The following INSL6 variants were observed in gnomAD, a reference collection of about 807,000 sequenced individuals.
INSL6 encodes insulin-like peptide INSL6.
INSL6 carries 16 observed loss-of-function variants against 9.4 expected under a neutral mutation model. The observed-to-expected ratio is 1.70, with a 90% confidence interval of 1.15 to 2.59. INSL6 has a LOEUF of 2.59. Among genes scored for constraint, INSL6 ranks in the 30% most tolerant of loss-of-function variants. The pLI, the probability that INSL6 is intolerant of heterozygous loss-of-function variation, is 0.00. For synonymous variants in INSL6, 154 were observed against 96.9 expected (o/e 1.59, Z -3.46); for missense variants, 391 against 257.3 (o/e 1.52, Z -3.56).
intron 1 of INSL6, among the ~76,000 whole-genome samples, chr9:5,183,510 T>C (rs1047974378): frequency 6.6e-6 from 1 of 152,244 alleles, no homozygotes; most frequent in African/African-American, 2.4e-5. Flanking sequence ...AAAAGGATCA[T>C]TAACAAGCTG....
chr9:5,103,221 C>CAAAAAAAAAAAAAAAAAA, the INSL6 span, among the ~76,000 whole-genome samples: 3 of 6,872 alleles, frequency 4.4e-4, no homozygotes, highest in Non-Finnish European at 7.5e-4. Flanking sequence ...AAAGGGAAAG[C>CAAAAAAAAAAAAAAAAAA]AAAAAAAAAA....
At chr9:5,133,242 A>G (rs369290118) in intron 3 of INSL6, among the ~76,000 whole-genome samples, 1 of 152,010 alleles carries the variant, frequency 6.6e-6, no homozygotes, top group Non-Finnish European at 1.5e-5. Flanking sequence ...ATGCAAAAAA[A>G]AAGTTGAGAA....
intron 3 of INSL6, chr9:5,127,538 T>C (rs1165273750): frequency 4.3e-6 from 1 of 231,172 alleles, no homozygotes; most frequent in Non-Finnish European, 8.6e-6. Flanking sequence ...GTTTCCCTTG[T>C]ATCTATTTGT....
At chr9:5,021,163 G>A in the INSL6 span, among the ~76,000 whole-genome samples, 4 of 152,122 alleles carry the variant, frequency 2.6e-5, no homozygotes, top group African/African-American at 9.7e-5. Context: ...GGCTGAGCAG[G>A]CTGCCCCACT....
the INSL6 span, among the ~76,000 whole-genome samples, chr9:5,118,172 T>C: frequency 6.6e-6 from 1 of 152,108 alleles, no homozygotes; most frequent in African/African-American, 2.4e-5. Context: ...AACAAACAAA[T>C]AAATAGTGCA....
chr9:5,128,043 C>T (rs1302011062), intron 3 of INSL6: 1 of 231,424 alleles, frequency 4.3e-6, no homozygotes, highest in East Asian at 6.0e-5. Flanking sequence ...TGCTACTCCA[C>T]TTTAGACACC....
chr9:4,997,706 A>G, the INSL6 span, among the ~76,000 whole-genome samples: 1 of 152,206 alleles, frequency 6.6e-6, no homozygotes, highest in Non-Finnish European at 1.5e-5. Context: ...TATTGGTTTT[A>G]TAAAGGTTTG....
At chr9:5,120,825 T>C (rs1482966375), downstream of INSL6, among the ~76,000 whole-genome samples, 1 of 152,172 alleles carries the variant, frequency 6.6e-6, no homozygotes, top group East Asian at 1.9e-4. Context: ...AATTAAGATT[T>C]TCAAATTGAG....
chr9:5,103,416 T>C, the INSL6 span, among the ~76,000 whole-genome samples: 1 of 151,812 alleles, frequency 6.6e-6, no homozygotes, highest in Non-Finnish European at 1.5e-5. Flanking sequence ...CCAAGATTCA[T>C]AAAGCAAGTC....
At chr9:5,159,366 T>G (rs1474725686), downstream of INSL6, among the ~76,000 whole-genome samples, 1 of 151,802 alleles carries the variant, frequency 6.6e-6, no homozygotes, top group Non-Finnish European at 1.5e-5. Context: ...TGGATTTTTT[T>G]TTTTTAAAAA....
the INSL6 span, among the ~76,000 whole-genome samples, chr9:5,042,137 T>TA: frequency 7.3e-6 from 1 of 136,264 alleles, no homozygotes; most frequent in East Asian, 2.0e-4. Context: ...TTTTTTTTTT[T>TA]TTTTTTTTTT....
At chr9:5,058,906 ATTAT>A in the INSL6 span, among the ~76,000 whole-genome samples, 5 of 152,138 alleles carry the variant, frequency 3.3e-5, no homozygotes, top group African/African-American at 1.2e-4. Flanking sequence ...AATTATAGAA[ATTAT>A]TTATGTATTC....
the INSL6 span, chr9:5,098,678 A>C: frequency 6.6e-6 from 1 of 152,124 alleles, no homozygotes; most frequent in South Asian, 2.1e-4. Context: ...ATAGACTATG[A>C]AGAATTAAGC....
the INSL6 span, chr9:5,111,611 G>A: frequency 2.7e-6 from 1 of 370,156 alleles, no homozygotes; most frequent in Admixed American, 3.7e-5. Flanking sequence ...GGGCCAGGTG[G>A]GCTTTGGCCC....
At chr9:5,173,242 T>C (rs948045188) in intron 1 of INSL6, among the ~76,000 whole-genome samples, 2 of 152,136 alleles carry the variant, frequency 1.3e-5, no homozygotes, top group African/African-American at 4.8e-5. Flanking sequence ...AGAAATACCA[T>C]TTGACCCAGC....
chr9:5,101,393 G>A, the INSL6 span, among the ~76,000 whole-genome samples: 1 of 152,358 alleles, frequency 6.6e-6, no homozygotes, highest in Non-Finnish European at 1.5e-5. Flanking sequence ...CTCGAACTGG[G>A]TGGAGCCCAC....
At chr9:5,042,348 A>G in the INSL6 span, among the ~76,000 whole-genome samples, 2 of 151,332 alleles carry the variant, frequency 1.3e-5, no homozygotes, top group Non-Finnish European at 2.9e-5. Context: ...CTTGTTAGCC[A>G]GGATGGTCTC....
the INSL6 span, chr9:5,112,335 C>T: frequency 6.2e-6 from 2 of 320,426 alleles, no homozygotes; most frequent in African/African-American, 4.4e-5. Flanking sequence ...CCCGACCTCT[C>T]TTGGCCTTCC....
the INSL6 span, among the ~76,000 whole-genome samples, chr9:5,042,124 CTTTTTTTTTTTTT>C: frequency 1.9e-5 from 2 of 107,610 alleles, no homozygotes; most frequent in African/African-American, 7.7e-5. Flanking sequence ...GCCAAAATTT[CTTTTTTTTTTTTT>C]TTTTTTTTTT....
Sources: allele counts gnomAD v4.1 joint callset (sites outside exome capture counted in the v4.1 genomes callset), GRCh38; gene constraint gnomAD v4.1.1; transcripts MANE v1.5; gene names NCBI Gene and HGNC (gene_info 2026-07-23, HGNC 2026-07-21).